The following CTSS variants were observed in gnomAD, a reference collection of about 807,000 sequenced individuals.
The protein encoded by CTSS is cathepsin S.
In CTSS, 15 loss-of-function variants were observed where a neutral mutation model predicts 39.9. The observed-to-expected ratio is 0.38, with a 90% CI of 0.25 to 0.58. The LOEUF (loss-of-function observed/expected upper bound fraction) is 0.58. Ranked by LOEUF, CTSS falls within the 20% of genes least tolerant of loss-of-function variation. CTSS has a pLI of 0.70. For missense variants in CTSS, 250 were observed against 398.2 expected (o/e 0.63, Z 3.17); for synonymous variants, 126 against 138.2 (o/e 0.91, Z 0.62).
intron 2 of CTSS, 84 bp downstream of exon 2, chr1:150,764,554 A>C: frequency 6.4e-7 from 1 of 1,563,968 alleles, no homozygotes; most frequent in Non-Finnish European, 8.8e-7. Flanking sequence ...TTTACTGAAA[A>C]CACTGCCTGT....
chr1:150,731,099 A>C lies in CTSS; in HGVS notation c.*1947T>G, dbSNP rs1231910778. 1.3e-5 allele frequency: 2 copies of C among 152,218 alleles called. No homozygotes were observed. Among genetic ancestry groups the C allele is most frequent in the African/African-American group, 4.8e-5 (2 of 41,456 alleles). 9.4% of individuals were successfully genotyped at this position (152,218 alleles called of 1,614,324 possible). On this transcript the variant is annotated 3_prime_UTR_variant, in exon 8 of 8. Coordinates refer to ENST00000368985, the MANE Select transcript of CTSS (RefSeq NM_004079.5). ...AAAACAAAAATTATGTTAAAAACTG[A>C]AAAGTAGGCTGGGCTCAGTGGCTCA... is the stretch of plus-strand genomic sequence containing the variant.
In CTSS at chr1:150,764,688, G is replaced by A. The variant is rs765117044; in HGVS notation, c.76C>T (p.His26Tyr). The A allele has an allele frequency of 3.1e-6, 5 of 1,613,990 alleles. No homozygotes were observed. In the East Asian group the frequency reaches 1.1e-4, roughly 36 times the overall value. The change falls in exon 2 of 8, where the codon CAC (histidine) becomes TAC (tyrosine). Residue 26 changes from histidine to tyrosine, a missense_variant. His to Tyr is a moderately conservative substitution (Grantham distance 83). Coordinates refer to ENST00000368985, the MANE Select transcript of CTSS (RefSeq NM_004079.5). Reference sequence around the variant, plus strand: ...GTTTTCTTCCAGAGATGCCAGTGGTGATCCAGGGTAGGATCTTTATGCAAC... The same window carrying A: ...GTTTTCTTCCAGAGATGCCAGTGGTAATCCAGGGTAGGATCTTTATGCAAC... ...AQLHKDPTLD[H>Y]HWHLWKKTYG...
chr1:150,745,218 G>A (rs1652869974), intron 7 of CTSS, among the ~76,000 whole-genome samples: 1 of 152,154 alleles, frequency 6.6e-6, no homozygotes, highest in Non-Finnish European at 1.5e-5. Context: ...GGGTTGCATT[G>A]TGTCCCCACA....
chr1:150,741,120 G>A (rs898118132), intron 7 of CTSS, among the ~76,000 whole-genome samples: 1 of 151,972 alleles, frequency 6.6e-6, no homozygotes, highest in African/African-American at 2.4e-5. Context: ...TCCTACCTCA[G>A]CCTCTTGAGT....
chr1:150,733,315 T>C (rs949233619), intron 7 of CTSS, among the ~76,000 whole-genome samples, 170 bp from the exon 8 acceptor site: 7 of 152,292 alleles, frequency 4.6e-5, no homozygotes, highest in Middle Eastern at 3.4e-3. Flanking sequence ...TAACTCAAAA[T>C]AATGGTTTGG....
chr1:150,764,718 C>A lies in CTSS; in HGVS notation c.46G>T (p.Ala16Ser). The A allele has an allele frequency of 1.9e-6, 3 of 1,614,006 alleles. No homozygotes were observed. The highest frequency in any genetic ancestry group is 2.5e-6 in the Non-Finnish European group (3 of 1,179,944). ...AGGGTAGGATCTTTATGCAACTGTG[C>A]CACTGCAGAGGAGCACACCAAGAGC... The part of the protein sequence containing the change: ...CVLLVCSSAV[A>S]QLHKDPTLDH... The change falls in exon 2 of 8, where the codon GCA becomes TCA. Residue 16 changes from alanine to serine, a missense_variant. Coordinates refer to ENST00000368985, the MANE Select transcript of CTSS (RefSeq NM_004079.5).
chr1:150,746,013 T>C (rs1378947984), intron 7 of CTSS, among the ~76,000 whole-genome samples: 1 of 152,204 alleles, frequency 6.6e-6, no homozygotes, highest in Non-Finnish European at 1.5e-5. Context: ...GTTTACACTC[T>C]TTGATCAGCA....
chr1:150,743,702 AAT>A (rs1182836350), intron 7 of CTSS, among the ~76,000 whole-genome samples: 2 of 69,660 alleles, frequency 2.9e-5, no homozygotes, highest in Non-Finnish European at 5.3e-5. Flanking sequence ...ATGTATACAT[AAT>A]ATATTATATA....
At chr1:150,754,903 C>T in intron 4 of CTSS, 98 bp downstream of exon 4, 2 of 1,256,384 alleles carry the variant, frequency 1.6e-6, no homozygotes, top group Non-Finnish European at 2.2e-6. Flanking sequence ...TAGAAAGTAA[C>T]ACGTGGGACT....
At chr1:150,761,168 GAATCCGCCTCAAAAAAAAA>G (rs1227753669) in intron 2 of CTSS, among the ~76,000 whole-genome samples, 1 of 91,342 alleles carries the variant, frequency 1.1e-5, no homozygotes, top group Non-Finnish European at 2.1e-5. Flanking sequence ...GACAGAGCAT[GAATCCGCCTCAAAAAAAAA>G]AAAAAAAAAA....
chr1:150,761,939 C>G (rs587764417), intron 2 of CTSS, among the ~76,000 whole-genome samples: 2 of 152,076 alleles, frequency 1.3e-5, no homozygotes, highest in Admixed American at 1.3e-4. Flanking sequence ...CAAATTCATG[C>G]GGAACTACAA....
At chr1:150,737,263 C>T (rs959907009) in intron 7 of CTSS, among the ~76,000 whole-genome samples, 2 of 152,156 alleles carry the variant, frequency 1.3e-5, no homozygotes, top group African/African-American at 2.4e-5. Flanking sequence ...CCATCATGCC[C>T]GGATAATTTT....
At chr1:150,765,286 CG>C (rs1653350990) in intron 1 of CTSS, among the ~76,000 whole-genome samples, 2 of 140,270 alleles carry the variant, frequency 1.4e-5, no homozygotes, top group East Asian at 2.1e-4. Flanking sequence ...TTCCTTTTTA[CG>C]TTTTTTTTTT....
chr1:150,758,774 T>G (rs909517576), intron 2 of CTSS, among the ~76,000 whole-genome samples: 1 of 151,770 alleles, frequency 6.6e-6, no homozygotes, highest in Non-Finnish European at 1.5e-5. Flanking sequence ...CATATTGAAT[T>G]CCTGGGCTCA....
rs143909919 is a variant in CTSS, at chr1:150,755,074, G to A, written c.326C>T (p.Ser109Leu). ...SQWQRNITYK[S>L]NPNRILPDSV... Reference sequence around the variant, plus strand: ...ATCAGGCAATATCCGATTAGGGTTTGACTTATATGTGATATTTCTCTGCCA... The same window carrying A: ...ATCAGGCAATATCCGATTAGGGTTTAACTTATATGTGATATTTCTCTGCCA... The change falls in exon 4 of 8, where the codon TCA (serine) becomes TTA (leucine). Residue 109 changes from serine (S) to leucine (L), a missense_variant. By Grantham distance (145) the Ser-to-Leu change is moderately radical. Coordinates refer to ENST00000368985, the MANE Select transcript of CTSS (RefSeq NM_004079.5). 6 of 1,614,088 alleles carry A rather than the reference G, an allele frequency of 3.7e-6. No individual in the cohort carries two copies. The East Asian group carries it at 1.3e-4, about 36-fold the overall frequency.
At chr1:150,756,164 CCTATACAAGG>C in intron 3 of CTSS, among the ~76,000 whole-genome samples, 1 of 152,124 alleles carries the variant, frequency 6.6e-6, no homozygotes, top group African/African-American at 2.4e-5. Context: ...TTAGCCTAGG[CCTATACAAGG>C]TCAGGATCAT....
chr1:150,763,249 A>G (rs1298143069), intron 2 of CTSS, among the ~76,000 whole-genome samples: 1 of 152,170 alleles, frequency 6.6e-6, no homozygotes, highest in African/African-American at 2.4e-5. Context: ...TGAACTCATA[A>G]AAGTAGAGAG....
Position 150,732,980 on chromosome 1 carries a change from C to A in CTSS, c.*66G>T, listed in dbSNP as rs1652556036. ...ACACAATTATTTCTTCTGGATACAG[C>A]AGGAAAAATTAAGTTAAGAGAAAGT... is the stretch of plus-strand genomic sequence containing the variant. On this transcript the variant is annotated 3_prime_UTR_variant, in exon 8 of 8. Transcript: ENST00000368985. 1 of 1,078,390 alleles carries A rather than the reference C, an allele frequency of 9.3e-7. No individual in the cohort carries two copies. The highest frequency in any genetic ancestry group is 1.9e-5 in the Admixed American group (1 of 52,080). The allele number at this position is 1,078,390 out of a possible 1,614,324, so 66.8% of individuals were successfully genotyped here.
intron 2 of CTSS, among the ~76,000 whole-genome samples, chr1:150,762,979 A>T (rs1653295036): frequency 6.6e-6 from 1 of 152,162 alleles, no homozygotes; most frequent in Non-Finnish European, 1.5e-5. Flanking sequence ...TTCCATGTTC[A>T]TTGTAGCATT....
Sources: allele counts gnomAD v4.1 joint callset (sites outside exome capture counted in the v4.1 genomes callset), GRCh38; gene constraint gnomAD v4.1.1; transcripts MANE v1.5; gene names NCBI Gene and HGNC (gene_info 2026-07-23, HGNC 2026-07-21).